PALS2: variants seen among roughly 807,000 people sequenced by gnomAD.
PALS2 encodes protein associated with LIN7 2, MAGUK p55 family member.
PALS2 carries 27 observed loss-of-function variants against 61.6 expected under a neutral mutation model. The observed-to-expected ratio is 0.44, with a 90% confidence interval of 0.32 to 0.60. PALS2 has a LOEUF of 0.60. Among genes scored for constraint, PALS2 ranks in the 20% least tolerant of loss-of-function variants. The probability of loss-of-function intolerance (pLI) is 0.05; values close to 1 mark genes in which losing one functional copy is unlikely to be tolerated. For missense variants in PALS2, 554 were observed against 639.4 expected (o/e 0.87, Z 1.44); for synonymous variants, 236 against 218.6 (o/e 1.08, Z -0.70).
At chr7:24,604,458 G>T (rs530286880) in intron 1 of PALS2, among the ~76,000 whole-genome samples, 1 of 152,244 alleles carries the variant, frequency 6.6e-6, no homozygotes, top group Non-Finnish European at 1.5e-5. Context: ...AAAGAGATTT[G>T]TAAGAATAGG....
At chr7:24,663,238 G>A (rs1462287075) in intron 5 of PALS2, among the ~76,000 whole-genome samples, 1 of 152,130 alleles carries the variant, frequency 6.6e-6, no homozygotes, top group Non-Finnish European at 1.5e-5. Context: ...TATATTTCAG[G>A]ATGTTAATTG....
chr7:24,661,064 A>G (rs892675718), intron 5 of PALS2, among the ~76,000 whole-genome samples: 22 of 152,216 alleles, frequency 1.4e-4, no homozygotes, highest in African/African-American at 5.1e-4. Flanking sequence ...AGAATATGAA[A>G]TAGAAATATT....
chr7:24,608,473 G>C (rs748741745), intron 1 of PALS2, among the ~76,000 whole-genome samples: 1 of 152,030 alleles, frequency 6.6e-6, no homozygotes, highest in Non-Finnish European at 1.5e-5. Flanking sequence ...GGTAGTGTTG[G>C]ATTTGCTTCT....
chr7:24,668,772 T>A, intron 9 of PALS2, 112 bp downstream of exon 9: 1 of 1,308,508 alleles, frequency 7.6e-7, no homozygotes, highest in African/African-American at 1.5e-5. Context: ...AAGTTTTCTT[T>A]ATGGCAGTGA....
rs1422777671 is a variant in PALS2 at position 24,689,657 on chromosome 7, G to C, written c.*2043G>C. On this transcript the variant is annotated 3_prime_UTR_variant, in exon 12 of 12. Coordinates refer to ENST00000222644, the MANE Select transcript of PALS2 (RefSeq NM_001303037.2). ...AATTCACGTTTCTTGTCCTAGGACAGGGAATTGGTGACAAAATGGATTATA... is the reference window on the plus strand; with the variant it reads ...AATTCACGTTTCTTGTCCTAGGACACGGAATTGGTGACAAAATGGATTATA... 2.6e-5 allele frequency: 4 copies of C among 150,948 alleles called. No homozygotes were observed. Among genetic ancestry groups the C allele is most frequent in the Non-Finnish European group, 5.9e-5 (4 of 67,892 alleles). 9.4% of individuals were successfully genotyped at this position (150,948 alleles called of 1,614,324 possible).
intron 2 of PALS2, among the ~76,000 whole-genome samples, chr7:24,638,553 G>T (rs185686226): frequency 0.024 from 1,113 of 46,418 alleles, 291 homozygotes; most frequent in African/African-American, 0.075. Context: ...GGATGGTCTC[G>T]ATCTCCTGAC....
intron 1 of PALS2, among the ~76,000 whole-genome samples, chr7:24,579,608 A>C (rs528629713): frequency 6.6e-6 from 1 of 152,154 alleles, no homozygotes; most frequent in African/African-American, 2.4e-5. Flanking sequence ...TTGTTTATAA[A>C]TCACCGAGAT....
At chr7:24,580,359 T>C (rs1782794236) in intron 1 of PALS2, among the ~76,000 whole-genome samples, 1 of 152,164 alleles carries the variant, frequency 6.6e-6, no homozygotes, top group Non-Finnish European at 1.5e-5. Flanking sequence ...GGAGCCACCA[T>C]TTGAGTGTAA....
intron 1 of PALS2, among the ~76,000 whole-genome samples, chr7:24,607,775 G>A (rs1461453843): frequency 6.6e-6 from 1 of 151,908 alleles, no homozygotes; most frequent in Non-Finnish European, 1.5e-5. Flanking sequence ...GTAGAGGACA[G>A]ACGAGATAAA....
chr7:24,633,978 A>G (rs572862951), intron 2 of PALS2, among the ~76,000 whole-genome samples: 1 of 152,268 alleles, frequency 6.6e-6, no homozygotes, highest in East Asian at 1.9e-4. Context: ...GAGACTAATG[A>G]TATTGAGCAT....
intron 5 of PALS2, among the ~76,000 whole-genome samples, chr7:24,660,078 A>C (rs1013495902): frequency 6.6e-6 from 1 of 152,110 alleles, no homozygotes; most frequent in African/African-American, 2.4e-5. Flanking sequence ...CACTATCTTC[A>C]TTGCCTGATC....
intron 1 of PALS2, among the ~76,000 whole-genome samples, chr7:24,574,886 C>T (rs1782588606): frequency 1.3e-5 from 2 of 152,200 alleles, no homozygotes; most frequent in Middle Eastern, 3.4e-3. Flanking sequence ...TAGCAACGGA[C>T]CTCAAGTAAT....
In PALS2 at chr7:24,693,338, A is replaced by T. The variant is rs1214193275; in HGVS notation, c.*5724A>T. ...CATACATAAATATGACAGGTCATAT[A>T]TGAAATTTGGCTCTCCTCCTATCAA... On this transcript the variant is annotated 3_prime_UTR_variant, in exon 12 of 12. Transcript: ENST00000222644. 6.6e-6 allele frequency: 1 copy of T among 152,218 alleles called. No individual in the cohort carries two copies. The highest frequency in any genetic ancestry group is 1.5e-5 in the Non-Finnish European group (1 of 68,026). The allele number at this position is 152,218 out of a possible 1,614,324, so 9.4% of individuals were successfully genotyped here.
intron 1 of PALS2, among the ~76,000 whole-genome samples, chr7:24,620,389 A>T (rs1320150497): frequency 6.6e-6 from 1 of 152,222 alleles, no homozygotes; most frequent in African/African-American, 2.4e-5. Context: ...AAATATACAA[A>T]CTAATTTGAG....
intron 1 of PALS2, among the ~76,000 whole-genome samples, chr7:24,584,023 G>C (rs1168540834): frequency 3.9e-4 from 57 of 146,138 alleles, no homozygotes; most frequent in African/African-American, 1.5e-3. Context: ...AGTATTCCAT[G>C]GTGTATATGT....
At chr7:24,684,766 C>T (rs536291658) in intron 11 of PALS2, among the ~76,000 whole-genome samples, 2 of 151,952 alleles carry the variant, frequency 1.3e-5, no homozygotes, top group South Asian at 4.2e-4. Flanking sequence ...CCTTTTTTTC[C>T]TCTTATCCTG....
At chr7:24,636,907 A>G (rs1056596893) in intron 2 of PALS2, among the ~76,000 whole-genome samples, 5 of 152,162 alleles carry the variant, frequency 3.3e-5, no homozygotes, top group Non-Finnish European at 4.4e-5. Context: ...TAAAACGTTC[A>G]TTAAGTTAAT....
chr7:24,644,587 T>C (rs1375666407), intron 3 of PALS2, among the ~76,000 whole-genome samples: 1 of 152,164 alleles, frequency 6.6e-6, no homozygotes, highest in Non-Finnish European at 1.5e-5. Context: ...TTTGCTGTTG[T>C]GAATAGTGCT....
intron 1 of PALS2, among the ~76,000 whole-genome samples, chr7:24,593,656 A>G (rs538002246): frequency 6.6e-6 from 1 of 152,264 alleles, no homozygotes; most frequent in Non-Finnish European, 1.5e-5. Flanking sequence ...CTTGGGTGAC[A>G]AGGTGAGTTG....
Sources: gnomAD v4.1 joint callset for allele counts (sites outside exome capture counted in the v4.1 genomes callset) on GRCh38, gnomAD v4.1.1 for gene constraint, MANE v1.5 for transcripts, NCBI Gene and HGNC (gene_info 2026-07-23, HGNC 2026-07-21) for gene names.